The following CHST13 variants were observed in gnomAD, a reference collection of about 807,000 sequenced individuals.
The protein encoded by CHST13 is carbohydrate sulfotransferase 13, also known as C4ST-3.
A neutral mutation model predicts 7.0 loss-of-function variants in CHST13; 1 was observed. The observed-to-expected ratio is 0.14, with a 90% CI of 0.05 to 0.68. The LOEUF (loss-of-function observed/expected upper bound fraction) is 0.68. Ranked by LOEUF, CHST13 falls within the 30% of genes least tolerant of loss-of-function variation. CHST13 has a pLI of 0.82. For missense variants in CHST13, 572 were observed against 507.9 expected (o/e 1.13, Z -1.21); for synonymous variants, 257 against 240.9 (o/e 1.07, Z -0.62).
At chr3:126,534,363 T>C (rs893278552) in intron 1 of CHST13, among the ~76,000 whole-genome samples, 2 of 152,164 alleles carry the variant, frequency 1.3e-5, no homozygotes, top group Non-Finnish European at 2.9e-5. Context: ...TTATAATAGT[T>C]CTAGGAAAAC....
Position 126,524,228 on chromosome 3 carries a change from C to T in CHST13, c.-105C>T, listed in dbSNP as rs940805214. On this transcript the variant is annotated 5_prime_UTR_variant, in exon 1 of 3. Transcript: ENST00000319340. ...TGCTCCCCTGCCCTGCGCCGCGCCG[C>T]GCGTCTTGGTAGGCGCTGCGCTGCC... is the stretch of plus-strand genomic sequence containing the variant. 41 of 918,806 alleles carry T rather than the reference C, an allele frequency of 4.5e-5. No individual in the cohort carries two copies. The highest frequency in any genetic ancestry group is 5.6e-5 in the Non-Finnish European group (40 of 714,516). 56.9% of individuals were successfully genotyped at this position (918,806 alleles called of 1,614,324 possible). A position where few individuals can be genotyped will look rare whatever the true frequency, so the allele number is the denominator to read the frequency against.
intron 1 of CHST13, among the ~76,000 whole-genome samples, chr3:126,533,097 G>C (rs1936692110): frequency 1.3e-5 from 2 of 152,086 alleles, no homozygotes; most frequent in Admixed American, 1.3e-4. Flanking sequence ...GTGCAACCTT[G>C]CTGAACCCAT....
At position 126,542,725 on chromosome 3, in the gene CHST13, C is replaced by G; in HGVS notation, c.*147C>G. ...GCCGGGCCAGCGGGCGCAGGGCACA[C>G]CTGGCCAGGCTTGGGGGCAGCCCAT... On this transcript the variant is annotated 3_prime_UTR_variant, in exon 3 of 3. Coordinates refer to ENST00000319340, the MANE Select transcript of CHST13 (RefSeq NM_152889.3). 1 of 1,238,528 alleles carries G rather than the reference C, an allele frequency of 8.1e-7. No individual in the cohort carries two copies. Among genetic ancestry groups the G allele is most frequent in the Non-Finnish European group, 1.0e-6 (1 of 960,726 alleles). The allele number at this position is 1,238,528 out of a possible 1,614,324, so 76.7% of individuals were successfully genotyped here.
intron 2 of CHST13, among the ~76,000 whole-genome samples, chr3:126,539,263 A>T (rs1936870065): frequency 6.6e-6 from 1 of 152,042 alleles, no homozygotes; most frequent in South Asian, 2.1e-4. Context: ...TAAAATAATA[A>T]GTCTCCCTCC....
intron 1 of CHST13, among the ~76,000 whole-genome samples, chr3:126,528,684 G>T (rs1051578456): frequency 3.3e-5 from 5 of 152,212 alleles, no homozygotes; most frequent in Non-Finnish European, 1.5e-5. Flanking sequence ...CGACAGGACT[G>T]TGCTCAAGGG....
chr3:126,536,368 C>A lies in CHST13; in HGVS notation c.180+15C>A. 1 of 1,605,812 alleles carries A rather than the reference C, an allele frequency of 6.2e-7. No homozygotes were observed. Among genetic ancestry groups the A allele is most frequent in the Non-Finnish European group, 8.5e-7 (1 of 1,173,140 alleles). On this transcript the variant is annotated intron_variant, in intron 2 of 2. Coordinates refer to ENST00000319340, the MANE Select transcript of CHST13 (RefSeq NM_152889.3). ...ACCTGGATCAGGTAGGTGGACAGAC[C>A]CTCGACCCAGGCATGCCCCCCTCCA...
intron 2 of CHST13, among the ~76,000 whole-genome samples, chr3:126,538,593 G>A (rs927316165): frequency 1.3e-5 from 2 of 152,252 alleles, no homozygotes; most frequent in Non-Finnish European, 2.9e-5. Flanking sequence ...CAGGTGGCCG[G>A]ATGGCCAACA....
chr3:126,538,833 T>C (rs1179071809), intron 2 of CHST13, among the ~76,000 whole-genome samples: 1 of 152,200 alleles, frequency 6.6e-6, no homozygotes, highest in Non-Finnish European at 1.5e-5. Flanking sequence ...TCACTTAGCA[T>C]GATGTCCTCA....
At position 126,524,270 on chromosome 3, in the gene CHST13, C is replaced by T; in HGVS notation, c.-63C>T. 2 of 1,184,564 alleles carry T rather than the reference C, an allele frequency of 1.7e-6. No homozygotes were observed. The highest frequency in any genetic ancestry group is 2.1e-6 in the Non-Finnish European group (2 of 950,726). The allele number at this position is 1,184,564 out of a possible 1,614,324, so 73.4% of individuals were successfully genotyped here. A position where few individuals can be genotyped will look rare whatever the true frequency, so the allele number is the denominator to read the frequency against. ...TGCGCTGCCGGGGCCGGGTCCTGGG[C>T]CAGTGCAACTCCGCCCCCAGCCGTA... On this transcript the variant is annotated 5_prime_UTR_variant, in exon 1 of 3. Transcript: ENST00000319340.
chr3:126,527,476 A>AGG (rs1936559062), intron 1 of CHST13: 1 of 152,282 alleles, frequency 6.6e-6, no homozygotes, highest in South Asian at 2.1e-4. Context: ...AAAGCTAGAG[A>AGG]GGGTTCCTTT....
chr3:126,528,440 C>G (rs891203006), intron 1 of CHST13, among the ~76,000 whole-genome samples: 1 of 152,074 alleles, frequency 6.6e-6, no homozygotes, highest in South Asian at 2.1e-4. Context: ...AGCAGTGAAC[C>G]AGGAAGGGTG....
chr3:126,539,711 G>A (rs1341931484), intron 2 of CHST13, among the ~76,000 whole-genome samples: 1 of 47,236 alleles, frequency 2.1e-5, no homozygotes, highest in Non-Finnish European at 4.0e-5. Context: ...ACACACATAT[G>A]CCACACACAC....
chr3:126,525,046 T>A (rs1936510239), intron 1 of CHST13, among the ~76,000 whole-genome samples: 1 of 152,136 alleles, frequency 6.6e-6, no homozygotes, highest in Non-Finnish European at 1.5e-5. Flanking sequence ...CCTCAGCTCA[T>A]GTGAAGCCTC....
At chr3:126,532,119 T>C (rs1416665499) in intron 1 of CHST13, among the ~76,000 whole-genome samples, 1 of 152,228 alleles carries the variant, frequency 6.6e-6, no homozygotes, top group Non-Finnish European at 1.5e-5. Flanking sequence ...TTGAGTTGTC[T>C]TTTGTTGTTC....
intron 2 of CHST13, among the ~76,000 whole-genome samples, chr3:126,537,357 G>A (rs1936818574): frequency 6.6e-6 from 1 of 152,232 alleles, no homozygotes; most frequent in Non-Finnish European, 1.5e-5. Context: ...AGGCCCTGCA[G>A]GTGTGCAAGG....
intron 2 of CHST13, among the ~76,000 whole-genome samples, chr3:126,538,965 G>A (rs960066688): frequency 5.3e-5 from 8 of 152,130 alleles, no homozygotes; most frequent in South Asian, 2.1e-4. Flanking sequence ...CTGTCCTCTC[G>A]GAGGCCACCA....
intron 2 of CHST13, among the ~76,000 whole-genome samples, chr3:126,540,872 A>G (rs929291110): frequency 6.6e-6 from 1 of 152,176 alleles, no homozygotes; most frequent in African/African-American, 2.4e-5. Flanking sequence ...CCAATTCCTA[A>G]TTGTCTTTTT....
chr3:126,542,513 G>C lies in CHST13; in HGVS notation c.961G>C (p.Asp321His). ...CCCCTTCTACCAGCGGCGCCTCTTC[G>C]ACCTCTACAAGATGGACTTCCTGCT... Reference protein sequence around the residue: ...ISPFYQRRLFDLYKMDFLLFN... With the variant: ...ISPFYQRRLFHLYKMDFLLFN... The change falls in exon 3 of 3, where the codon GAC becomes CAC. Residue 321 changes from aspartate (D) to histidine (H), a missense_variant. Asp to His is a moderately conservative substitution (Grantham distance 81). Coordinates refer to ENST00000319340, the MANE Select transcript of CHST13 (RefSeq NM_152889.3). 1.3e-6 allele frequency: 2 copies of C among 1,566,536 alleles called. No individual in the cohort carries two copies. Among genetic ancestry groups the C allele is most frequent in the South Asian group, 1.2e-5 (1 of 83,760 alleles).
At position 126,542,336 on chromosome 3, in the gene CHST13, G is replaced by C; in HGVS notation, c.784G>C (p.Asp262His). 1 of 1,565,982 alleles carries C rather than the reference G, an allele frequency of 6.4e-7. No homozygotes were observed. The highest frequency in any genetic ancestry group is 8.6e-7 in the Non-Finnish European group (1 of 1,158,314). The change falls in exon 3 of 3, where the codon GAC becomes CAC. Residue 262 changes from aspartate to histidine, a missense_variant. By Grantham distance (81) the Asp-to-His change is moderately conservative (BLOSUM62 -1). Coordinates refer to ENST00000319340, the MANE Select transcript of CHST13 (RefSeq NM_152889.3). ...ALCHPCRLRY[D>H]VVGKFETLAE... is the part of the protein sequence containing the mutation. ...CTGCCACCCGTGTCGCCTCCGCTAC[G>C]ACGTCGTGGGCAAGTTCGAGACGCT...
Sources: allele counts gnomAD v4.1 joint callset (sites outside exome capture counted in the v4.1 genomes callset), GRCh38; gene constraint gnomAD v4.1.1; transcripts MANE v1.5; gene names NCBI Gene and HGNC (gene_info 2026-07-23, HGNC 2026-07-21).